SPAG16: variants seen among roughly 807,000 people sequenced by gnomAD.
SPAG16 encodes sperm associated antigen 16.
SPAG16 carries 86 observed loss-of-function variants against 80.4 expected under a neutral mutation model. The observed-to-expected ratio is 1.07, with a 90% CI of 0.90 to 1.28. SPAG16 has a LOEUF of 1.28. SPAG16 is among the 50% of genes most tolerant of loss of function. The pLI, the probability that SPAG16 is intolerant of heterozygous loss-of-function variation, is 0.00. For synonymous variants in SPAG16, 294 were observed against 265.9 expected (o/e 1.11, Z -1.03); for missense variants, 870 against 765.3 (o/e 1.14, Z -1.61).
intron 9 of SPAG16, among the ~76,000 whole-genome samples, chr2:213,380,851 C>T (rs1272989227): frequency 2.0e-5 from 3 of 152,188 alleles, no homozygotes; most frequent in Admixed American, 6.5e-5. Flanking sequence ...GAGCGTTCTC[C>T]TGTTCTGGAC....
chr2:214,397,039 C>T (rs925157948), intron 15 of SPAG16, among the ~76,000 whole-genome samples: 3 of 151,294 alleles, frequency 2.0e-5, no homozygotes, highest in Non-Finnish European at 4.4e-5. Flanking sequence ...TCCAGTGCAG[C>T]TTGCTGTAAT....
At chr2:214,168,597 A>G (rs1454641957) in intron 15 of SPAG16, among the ~76,000 whole-genome samples, 1 of 152,068 alleles carries the variant, frequency 6.6e-6, no homozygotes, top group Non-Finnish European at 1.5e-5. Context: ...ATTTTAGATA[A>G]GATGTGCAGG....
intron 10 of SPAG16, among the ~76,000 whole-genome samples, chr2:213,617,210 C>T (rs1361496202): frequency 6.6e-6 from 1 of 152,054 alleles, no homozygotes; most frequent in African/African-American, 2.4e-5. Flanking sequence ...TTCCTAAGTA[C>T]CCTCCTAATA....
chr2:213,972,414 T>G (rs991720591), intron 12 of SPAG16, among the ~76,000 whole-genome samples: 3 of 152,158 alleles, frequency 2.0e-5, no homozygotes, highest in African/African-American at 7.2e-5. Flanking sequence ...GTTGGTGTAG[T>G]TGGCCAGTTC....
intron 10 of SPAG16, among the ~76,000 whole-genome samples, chr2:213,601,686 T>C (rs1007999501): frequency 6.6e-6 from 1 of 152,226 alleles, no homozygotes; most frequent in East Asian, 1.9e-4. Flanking sequence ...TCCCATAATA[T>C]TGCAACATCA....
intron 10 of SPAG16, among the ~76,000 whole-genome samples, chr2:213,626,050 T>G (rs1267233124): frequency 6.6e-6 from 1 of 152,170 alleles, no homozygotes; most frequent in African/African-American, 2.4e-5. Flanking sequence ...CTGGAGTTTG[T>G]CCTTTTATAT....
At chr2:213,891,494 A>T (rs1337056690) in intron 11 of SPAG16, among the ~76,000 whole-genome samples, 1 of 152,108 alleles carries the variant, frequency 6.6e-6, no homozygotes, top group African/African-American at 2.4e-5. Context: ...GATCATTGAA[A>T]TTCATATTTT....
chr2:213,626,656 T>G (rs2061972030), intron 10 of SPAG16, among the ~76,000 whole-genome samples: 1 of 146,256 alleles, frequency 6.8e-6, no homozygotes, highest in Non-Finnish European at 1.5e-5. Flanking sequence ...TTTTTTTTTT[T>G]TTTTTTTTTT....
At chr2:213,564,011 AAAG>A (rs1438369880) in intron 10 of SPAG16, among the ~76,000 whole-genome samples, 2 of 152,194 alleles carry the variant, frequency 1.3e-5, no homozygotes, top group Non-Finnish European at 2.9e-5. Context: ...TTGTGAGTAA[AAAG>A]AAGATAACAT....
At chr2:213,977,438 C>T (rs979756363) in intron 12 of SPAG16, among the ~76,000 whole-genome samples, 2 of 151,754 alleles carry the variant, frequency 1.3e-5, no homozygotes, top group South Asian at 4.1e-4. Flanking sequence ...GGTTACTGCC[C>T]CCCCCATACC....
At chr2:213,687,914 G>T (rs1283582594) in intron 10 of SPAG16, among the ~76,000 whole-genome samples, 1 of 152,072 alleles carries the variant, frequency 6.6e-6, no homozygotes, top group Non-Finnish European at 1.5e-5. Flanking sequence ...ATATTTGAAG[G>T]GATTTATTCT....
At chr2:213,304,919 A>G (rs1321943240) in intron 3 of SPAG16, among the ~76,000 whole-genome samples, 1 of 152,078 alleles carries the variant, frequency 6.6e-6, no homozygotes, top group African/African-American at 2.4e-5. Context: ...TGTCATTGGC[A>G]TTTTATTTTG....
intron 10 of SPAG16, among the ~76,000 whole-genome samples, chr2:213,680,189 C>T (rs1013245462): frequency 1.3e-5 from 2 of 152,006 alleles, no homozygotes; most frequent in African/African-American, 2.4e-5. Flanking sequence ...TGAAAAATTC[C>T]ACCACTGGCA....
intron 13 of SPAG16, among the ~76,000 whole-genome samples, chr2:214,041,068 T>G (rs1449566058): frequency 6.6e-6 from 1 of 151,980 alleles, no homozygotes; most frequent in Non-Finnish European, 1.5e-5. Flanking sequence ...TGTTTTTCTA[T>G]TTTTTAAATG....
At chr2:213,774,116 T>C (rs2069423093) in intron 10 of SPAG16, among the ~76,000 whole-genome samples, 1 of 152,196 alleles carries the variant, frequency 6.6e-6, no homozygotes, top group African/African-American at 2.4e-5. Flanking sequence ...GGTTAGATAA[T>C]TCTAATATCT....
At chr2:214,079,748 T>A (rs879424083) in intron 13 of SPAG16, among the ~76,000 whole-genome samples, 2 of 152,192 alleles carry the variant, frequency 1.3e-5, no homozygotes, top group Non-Finnish European at 2.9e-5. Flanking sequence ...AAGTCAGATT[T>A]TTGTCTCAGA....
At chr2:213,751,923 G>A (rs1316523818) in intron 10 of SPAG16, among the ~76,000 whole-genome samples, 1 of 152,072 alleles carries the variant, frequency 6.6e-6, no homozygotes, top group African/African-American at 2.4e-5. Flanking sequence ...CCAGTCTTGA[G>A]AGAGACCACA....
chr2:213,844,581 C>T (rs755321025), intron 10 of SPAG16, among the ~76,000 whole-genome samples: 18 of 152,122 alleles, frequency 1.2e-4, no homozygotes, highest in South Asian at 2.1e-4. Context: ...ATAAATCTAA[C>T]GACACAGAAA....
intron 10 of SPAG16, among the ~76,000 whole-genome samples, chr2:213,534,641 A>G (rs1021774570): frequency 6.6e-5 from 10 of 152,136 alleles, no homozygotes. Flanking sequence ...AATAATGTAT[A>G]TTGTATGATT....
Sources: allele counts gnomAD v4.1 joint callset (sites outside exome capture counted in the v4.1 genomes callset), GRCh38; gene constraint gnomAD v4.1.1; transcripts MANE v1.5; gene names NCBI Gene and HGNC (gene_info 2026-07-23, HGNC 2026-07-21).